MAVS: variants seen among roughly 807,000 people sequenced by gnomAD.
MAVS encodes the protein mitochondrial antiviral-signaling protein.
Under a neutral mutation model 30.2 loss-of-function variants are expected in MAVS, and 20 were observed. The observed-to-expected ratio is 0.66, with a 90% CI of 0.47 to 0.96. The LOEUF is 0.96. Ranked by LOEUF, MAVS falls within the 40% of genes least tolerant of loss-of-function variation. The pLI, the probability that MAVS is intolerant of heterozygous loss-of-function variation, is 0.00. For synonymous variants in MAVS, 278 were observed against 293.9 expected, an observed-to-expected ratio of 0.95 and a Z score of 0.55; for missense variants, 624 against 701.1, an observed-to-expected ratio of 0.89 and a Z score of 1.24.
At position 3,864,701 on chromosome 20, in the gene MAVS, C is replaced by T; in HGVS notation, c.1071C>T (p.Gly357=). 1.2e-6 allele frequency: 2 copies of T among 1,614,254 alleles called. No individual in the cohort carries two copies. Among genetic ancestry groups the T allele is most frequent in the South Asian group, 2.2e-5 (2 of 91,086 alleles). Residue 357 remains glycine (G), a synonymous_variant, in exon 6 of 7, where the codon GGC becomes GGT. Transcript: ENST00000428216. ...SKLPINSTRA[G]MVPSKVPTSM... ...TGCCCATCAACTCAACCCGTGCTGGCATGGTGCCATCCAAAGTGCCTACTA... is the reference window on the plus strand; with the variant it reads ...TGCCCATCAACTCAACCCGTGCTGGTATGGTGCCATCCAAAGTGCCTACTA...
rs2089944059 is a variant in MAVS, at chr20:3,870,291, G to C, written c.*4144G>C. The C allele has an allele frequency of 6.6e-6, 1 of 152,404 alleles. No homozygotes were observed. Among genetic ancestry groups the C allele is most frequent in the Admixed American group, 6.5e-5 (1 of 15,278 alleles). The allele number at this position is 152,404 out of a possible 1,614,324, so 9.4% of individuals were successfully genotyped here. A position where few individuals can be genotyped will look rare whatever the true frequency, so the allele number is the denominator to read the frequency against. On this transcript the variant is annotated 3_prime_UTR_variant, in exon 7 of 7. Coordinates refer to ENST00000428216, the MANE Select transcript of MAVS (RefSeq NM_020746.5). Reference sequence around the variant, plus strand: ...GTGCCCTCCTCAGTGCTTAGGGGCAGAGCCACCTGCAGCAATGGTATCTGC... The same window carrying C: ...GTGCCCTCCTCAGTGCTTAGGGGCACAGCCACCTGCAGCAATGGTATCTGC...
chr20:3,875,442 TCTTC>T lies in MAVS; in HGVS notation c.*9300_*9303del, dbSNP rs1168335766. 6 of 147,486 alleles carry T rather than the reference TCTTC, an allele frequency of 4.1e-5. No homozygotes were observed. In the East Asian group the frequency reaches 1.2e-3, roughly 29 times the overall value. The allele number at this position is 147,486 out of a possible 1,614,324, so 9.1% of individuals were successfully genotyped here. On this transcript the variant is annotated 3_prime_UTR_variant, in exon 7 of 7. Coordinates refer to ENST00000428216, the MANE Select transcript of MAVS (RefSeq NM_020746.5). ...AAAATAAAAATAAAAACCCTGAATA[TCTTC>T]CTTCTACTTCTTCAGTGCTGTTTTT...
rs751608344 is a variant in MAVS at position 3,864,391 on chromosome 20, TCTC to T, written c.768_770del (p.Ser258del). On this transcript the variant is annotated inframe_deletion, in exon 6 of 7. Coordinates refer to ENST00000428216, the MANE Select transcript of MAVS (RefSeq NM_020746.5). ...TCAGTTGTATCTACTGGCACCTCCTTCTCCTCCTCATCCCCTGGCTTGGCCTCT... is the reference window on the plus strand; with the variant it reads ...TCAGTTGTATCTACTGGCACCTCCTTCTCCTCATCCCCTGGCTTGGCCTCT... 1.7e-5 allele frequency: 28 copies of T among 1,613,924 alleles called. No individual in the cohort carries two copies. The highest frequency in any genetic ancestry group is 2.2e-5 in the East Asian group (1 of 44,864).
chr20:3,853,463 G>A lies in MAVS; in HGVS notation c.-67-1095G>A, dbSNP rs183577858. ...ATCGCGCCACCGCACTCCAGCCTGG[G>A]CGACAGAGAAAGACTCCGTCTCAAA... On this transcript the variant is annotated intron_variant, in intron 1 of 6. Coordinates refer to ENST00000428216, the MANE Select transcript of MAVS (RefSeq NM_020746.5). 3.5e-4 allele frequency among the ~76,000 whole-genome samples: 53 copies of A among 149,850 alleles called. No homozygotes were observed. The East Asian group carries it at 8.4e-3, about 24-fold the overall frequency.
rs1387994086 is a variant in MAVS at position 3,875,985 on chromosome 20, G to A, written c.*9838G>A. The A allele has an allele frequency of 1.3e-5, 2 of 152,356 alleles. No individual in the cohort carries two copies. Among genetic ancestry groups the A allele is most frequent in the East Asian group, 3.7e-4 (2 of 5,346 alleles). The allele number at this position is 152,356 out of a possible 1,614,324, so 9.4% of individuals were successfully genotyped here. A position where few individuals can be genotyped will look rare whatever the true frequency, so the allele number is the denominator to read the frequency against. On this transcript the variant is annotated 3_prime_UTR_variant, in exon 7 of 7. Coordinates refer to ENST00000428216, the MANE Select transcript of MAVS (RefSeq NM_020746.5). Reference sequence around the variant, plus strand: ...GCAGGAGGCGTATCCAAAGGAATTGGAGAAGAGATAAACTGGTAATTGGTG... The same window carrying A: ...GCAGGAGGCGTATCCAAAGGAATTGAAGAAGAGATAAACTGGTAATTGGTG...
intron 3 of MAVS, among the ~76,000 whole-genome samples, chr20:3,859,351 C>CA (rs1156874410): frequency 4.0e-5 from 6 of 151,682 alleles, no homozygotes; most frequent in East Asian, 3.9e-4. Flanking sequence ...ACCAAAAATA[C>CA]AAAAAAATTA....
In MAVS at chr20:3,857,786, C is replaced by A; in HGVS notation, c.269C>A (p.Ser90Tyr). The A allele has an allele frequency of 1.2e-6, 2 of 1,614,220 alleles. No individual in the cohort carries two copies. The highest frequency in any genetic ancestry group is 1.7e-6 in the Non-Finnish European group (2 of 1,180,036). The change falls in exon 3 of 7, where the codon TCT becomes TAT. Residue 90 changes from serine to tyrosine, a missense_variant. Coordinates refer to ENST00000428216, the MANE Select transcript of MAVS (RefSeq NM_020746.5). ...ELVDLADEVA[S>Y]VYQSYQPRTS... ...GTTGATCTCGCGGACGAAGTGGCCT[C>A]TGTCTACCAGAGCTACCAGCCTCGT...
At chr20:3,847,646 T>A (rs1438751033) in intron 1 of MAVS, among the ~76,000 whole-genome samples, 1 of 152,204 alleles carries the variant, frequency 6.6e-6, no homozygotes, top group East Asian at 1.9e-4. Flanking sequence ...GGCAGCCATG[T>A]GAAAGCAGGG....
rs567046621 is a variant in MAVS at position 3,855,802 on chromosome 20, G to A, written c.117+1061G>A. On this transcript the variant is annotated intron_variant, in intron 2 of 6. Coordinates refer to ENST00000428216, the MANE Select transcript of MAVS (RefSeq NM_020746.5). Reference sequence around the variant, plus strand: ...TCTTTAAAAAATTTTTTTTTGAGACGGAGTCTCGCTGTGTTGCCCAGGCTG... The same window carrying A: ...TCTTTAAAAAATTTTTTTTTGAGACAGAGTCTCGCTGTGTTGCCCAGGCTG... Among the ~76,000 whole-genome samples, 9 of 152,026 alleles carry A rather than the reference G, an allele frequency of 5.9e-5. No homozygotes were observed. The South Asian group carries it at 8.3e-4, about 14-fold the overall frequency.
Position 3,864,807 on chromosome 20 carries a change from T to C in MAVS, c.1158+19T>C. 6.2e-7 allele frequency: 1 copy of C among 1,607,074 alleles called. No individual in the cohort carries two copies. The highest frequency in any genetic ancestry group is 8.5e-7 in the Non-Finnish European group (1 of 1,176,330). ...AAATGAGGTGAGTCCTCGCCCTTCC[T>C]GGCAGGGATCCTGGCCCCTTCCCCC... On this transcript the variant is annotated intron_variant, in intron 6 of 6. Coordinates refer to ENST00000428216, the MANE Select transcript of MAVS (RefSeq NM_020746.5).
In MAVS at chr20:3,858,739, C is replaced by T. The variant is rs546183999; in HGVS notation, c.292+930C>T. Among the ~76,000 whole-genome samples, 20 of 150,792 alleles carry T rather than the reference C, an allele frequency of 1.3e-4. No homozygotes were observed. In the South Asian group the frequency reaches 1.7e-3, roughly 13 times the overall value. ...TATATTTCAAACTAGAGGTAACCCC[C>T]GAGACCCTGGTCACATTTATAGCTG... On this transcript the variant is annotated intron_variant, in intron 3 of 6. Coordinates refer to ENST00000428216, the MANE Select transcript of MAVS (RefSeq NM_020746.5).
At chr20:3,847,233 G>C (rs1568529929) in intron 1 of MAVS, among the ~76,000 whole-genome samples, 1 of 152,196 alleles carries the variant, frequency 6.6e-6, no homozygotes, top group South Asian at 2.1e-4. Flanking sequence ...CGCGGGCCCA[G>C]GGTGACGCTA....
rs896728310 is a variant in MAVS at position 3,868,953 on chromosome 20, G to A, written c.*2806G>A. On this transcript the variant is annotated 3_prime_UTR_variant, in exon 7 of 7. Coordinates refer to ENST00000428216, the MANE Select transcript of MAVS (RefSeq NM_020746.5). ...GGAGATACCCTGGGTAAGGCATGTA[G>A]AAAGGGTTGAGGGACCTTCCCAGTC... 58 of 152,390 alleles carry A rather than the reference G, an allele frequency of 3.8e-4. No individual in the cohort carries two copies. The highest frequency in any genetic ancestry group is 1.4e-3 in the African/African-American group (57 of 41,572). The allele number at this position is 152,390 out of a possible 1,614,324, so 9.4% of individuals were successfully genotyped here. A position where few individuals can be genotyped will look rare whatever the true frequency, so the allele number is the denominator to read the frequency against.
At chr20:3,852,007 TCCCCC>T (rs1343897502) in intron 1 of MAVS, among the ~76,000 whole-genome samples, 18 of 57,094 alleles carry the variant, frequency 3.2e-4, no homozygotes, top group South Asian at 4.8e-4. Context: ...TTTTTTTTTT[TCCCCC>T]GAGACGGAAT....
In MAVS at chr20:3,874,470, A is replaced by G. The variant is rs1361586377; in HGVS notation, c.*8323A>G. On this transcript the variant is annotated 3_prime_UTR_variant, in exon 7 of 7. Transcript: ENST00000428216. ...GATTGCTTGTATTTGGCAGGGGTCA[A>G]AGGCAGGCAGGGACTGTGAAATGTT... The G allele has an allele frequency of 1.1e-5, 4 of 371,512 alleles. No homozygotes were observed. The highest frequency in any genetic ancestry group is 2.1e-5 in the African/African-American group (1 of 48,276). The allele number at this position is 371,512 out of a possible 1,614,324, so 23.0% of individuals were successfully genotyped here. A position where few individuals can be genotyped will look rare whatever the true frequency, so the allele number is the denominator to read the frequency against.
intron 1 of MAVS, among the ~76,000 whole-genome samples, chr20:3,851,494 ACT>A (rs1190271844): frequency 1.6e-5 from 2 of 122,142 alleles, no homozygotes; most frequent in Non-Finnish European, 3.3e-5. Context: ...CGACAGGGAG[ACT>A]CTGTCTCAAA....
chr20:3,860,347 C>T (rs1228013156), intron 3 of MAVS, among the ~76,000 whole-genome samples: 3 of 151,836 alleles, frequency 2.0e-5, no homozygotes, highest in African/African-American at 7.3e-5. Context: ...CCTTCCTCAG[C>T]CTCCCTATAG....
chr20:3,854,158 C>T (rs144250682), intron 1 of MAVS, among the ~76,000 whole-genome samples: 1 of 151,982 alleles, frequency 6.6e-6, no homozygotes, highest in East Asian at 1.9e-4. Flanking sequence ...TGTGGTGGCT[C>T]ACACCTGTAA....
chr20:3,859,234 A>T (rs150422693), intron 3 of MAVS, among the ~76,000 whole-genome samples: 21 of 148,528 alleles, frequency 1.4e-4, no homozygotes, highest in Non-Finnish European at 2.1e-4. Flanking sequence ...CTGGCTGGGC[A>T]CGGTGGCTCA....
Sources: allele counts gnomAD v4.1 joint callset (sites outside exome capture counted in the v4.1 genomes callset), GRCh38; gene constraint gnomAD v4.1.1; transcripts MANE v1.5; gene names NCBI Gene and HGNC (gene_info 2026-07-23, HGNC 2026-07-21).